QPRT: variants seen among roughly 807,000 people sequenced by gnomAD.
The protein encoded by QPRT is nicotinate-nucleotide pyrophosphorylase [carboxylating].
QPRT carries 17 observed loss-of-function variants against 19.8 expected under a neutral mutation model. That is an observed-to-expected ratio of 0.86 (90% CI 0.59 to 1.29). The LOEUF is 1.29. QPRT is among the 50% of genes most tolerant of loss of function. QPRT has a pLI of 0.00. For missense variants in QPRT, 336 were observed against 405.1 expected (o/e 0.83, Z 1.46); for synonymous variants, 178 against 191.0 (o/e 0.93, Z 0.56).
In QPRT at chr16:29,694,886, C is replaced by A; in HGVS notation, c.236C>A (p.Ser79Ter). Residue 79 changes from serine to a stop codon, truncating the protein, a stop_gained, in exon 2 of 4, where the codon TCG becomes TAG. Coordinates refer to ENST00000395384, the MANE Select transcript of QPRT (RefSeq NM_014298.6). LOFTEE classifies it high-confidence loss of function. ...CQVSWFLPEG[S>*]KLVPVARVAE... ...GTCTCCTGGTTCCTCCCCGAGGGATCGAAGCTGGTGCCGGTGGCCAGAGTG... is the reference window on the plus strand; with the variant it reads ...GTCTCCTGGTTCCTCCCCGAGGGATAGAAGCTGGTGCCGGTGGCCAGAGTG... 2 of 1,614,064 alleles carry A rather than the reference C, an allele frequency of 1.2e-6. No individual in the cohort carries two copies. Among genetic ancestry groups the A allele is most frequent in the Non-Finnish European group, 8.5e-7 (1 of 1,179,940 alleles).
intron 1 of QPRT, among the ~76,000 whole-genome samples, chr16:29,688,052 C>G (rs887134068): frequency 6.6e-6 from 1 of 152,276 alleles, no homozygotes; most frequent in African/African-American, 2.4e-5. Context: ...AAAACCAGAA[C>G]TAGACAGTCG....
At chr16:29,690,615 G>A (rs896527797) in intron 1 of QPRT, among the ~76,000 whole-genome samples, 2 of 151,978 alleles carry the variant, frequency 1.3e-5, no homozygotes, top group Admixed American at 6.6e-5. Flanking sequence ...GGGATCATAC[G>A]GCCTTTTGGA....
chr16:29,680,679 G>A (rs1397447335), intron 1 of QPRT, among the ~76,000 whole-genome samples: 1 of 152,068 alleles, frequency 6.6e-6, no homozygotes, highest in African/African-American at 2.4e-5. Context: ...GGTGGCTCAC[G>A]CCTGTAATCC....
chr16:29,690,650 T>A (rs1967299082), intron 1 of QPRT, among the ~76,000 whole-genome samples: 1 of 152,168 alleles, frequency 6.6e-6, no homozygotes, highest in South Asian at 2.1e-4. Context: ...GTTAGACTGA[T>A]ACATTTGAGA....
chr16:29,697,439 C>G lies in QPRT; in HGVS notation c.*28C>G. 1 of 1,591,334 alleles carries G rather than the reference C, an allele frequency of 6.3e-7. No homozygotes were observed. Among genetic ancestry groups the G allele is most frequent in the African/African-American group, 1.3e-5 (1 of 74,756 alleles). The stretch of plus-strand genomic sequence containing the variant: ...CTAAACCGGAAGAGGATGACACCGG[C>G]CATGGGTTAACGTGGCTCCTCAGGA... On this transcript the variant is annotated 3_prime_UTR_variant, in exon 4 of 4. Coordinates refer to ENST00000395384, the MANE Select transcript of QPRT (RefSeq NM_014298.6). The surrounding 1 kb of genome is among the most constrained non-coding windows in gnomAD (Gnocchi z 4.4).
At chr16:29,681,047 G>T (rs1262229220) in intron 1 of QPRT, among the ~76,000 whole-genome samples, 1 of 151,984 alleles carries the variant, frequency 6.6e-6, no homozygotes. Context: ...GTGCCTGCTG[G>T]CCCCATACAC....
chr16:29,689,659 C>G (rs896427579), intron 1 of QPRT, among the ~76,000 whole-genome samples: 1 of 152,088 alleles, frequency 6.6e-6, no homozygotes, highest in African/African-American at 2.4e-5. Context: ...GAAATCAGGC[C>G]TGGGCGTGCC....
intron 1 of QPRT, among the ~76,000 whole-genome samples, chr16:29,682,275 C>T (rs1291668834): frequency 1.3e-5 from 2 of 151,026 alleles, no homozygotes; most frequent in East Asian, 2.0e-4. Flanking sequence ...CAGCCTCAAG[C>T]GATCCTCCAA....
chr16:29,682,029 C>T (rs1967022984), intron 1 of QPRT, among the ~76,000 whole-genome samples: 1 of 151,596 alleles, frequency 6.6e-6, no homozygotes, highest in South Asian at 2.1e-4. Flanking sequence ...CACCCGGCCT[C>T]TTTTGTTTTT....
chr16:29,687,986 A>G (rs775799615), intron 1 of QPRT, among the ~76,000 whole-genome samples: 41 of 152,154 alleles, frequency 2.7e-4, no homozygotes, highest in Non-Finnish European at 2.5e-4. Flanking sequence ...AAAAAAGTCA[A>G]GAGAACTGGA....
At chr16:29,680,802 G>C (rs1186076885) in intron 1 of QPRT, among the ~76,000 whole-genome samples, 1 of 152,034 alleles carries the variant, frequency 6.6e-6, no homozygotes, top group Non-Finnish European at 1.5e-5. Context: ...TTAGCCGAGT[G>C]TGGTGGTGCG....
intron 2 of QPRT, 22 bp from the exon 3 acceptor site, chr16:29,696,974 T>C: frequency 6.3e-7 from 1 of 1,582,984 alleles, no homozygotes; most frequent in South Asian, 1.2e-5. Context: ...TCCTCACCCT[T>C]GTCCTCCCGG....
At chr16:29,692,933 C>A (rs1050375336) in intron 1 of QPRT, among the ~76,000 whole-genome samples, 1 of 151,692 alleles carries the variant, frequency 6.6e-6, no homozygotes, top group Non-Finnish European at 1.5e-5. Context: ...TGGTGGCAGG[C>A]GCCTGTAACC....
At chr16:29,680,497 C>G (rs1966967136) in intron 1 of QPRT, among the ~76,000 whole-genome samples, 1 of 152,148 alleles carries the variant, frequency 6.6e-6, no homozygotes, top group Admixed American at 6.5e-5. Context: ...GCTGACTAAA[C>G]TGGCGCCCCG....
rs767440118 is a variant in QPRT, at chr16:29,697,312, C to A, written c.795C>A (p.Asp265Glu). ...CCCAGTTCTGCGGGCCGCACATAGA[C>A]GTCATCTCCATGGGGATGCTGACCC... Reference protein sequence around the residue: ...NLPQFCGPHIDVISMGMLTQA... With the variant: ...NLPQFCGPHIEVISMGMLTQA... The change falls in exon 4 of 4, where the codon GAC becomes GAA. Residue 265 changes from aspartate to glutamate, a missense_variant. Physicochemically the swap from Asp to Glu is conservative, Grantham distance 45 (BLOSUM62 2). Transcript: ENST00000395384. The surrounding 1 kb of genome is among the most constrained non-coding windows in gnomAD (Gnocchi z 4.4). 2.5e-5 allele frequency: 41 copies of A among 1,614,074 alleles called. No homozygotes were observed.
intron 1 of QPRT, among the ~76,000 whole-genome samples, chr16:29,686,831 C>T (rs1330149938): frequency 6.6e-6 from 1 of 152,152 alleles, no homozygotes; most frequent in African/African-American, 2.4e-5. Flanking sequence ...TGTCTTCCTC[C>T]CACCCTGGCT....
intron 1 of QPRT, among the ~76,000 whole-genome samples, chr16:29,680,292 G>A (rs1180740129): frequency 6.6e-6 from 1 of 152,120 alleles, no homozygotes; most frequent in Non-Finnish European, 1.5e-5. Flanking sequence ...GCTGCAGCTG[G>A]TGGGAGTGGG....
At chr16:29,693,883 C>A (rs1052294586) in intron 1 of QPRT, among the ~76,000 whole-genome samples, 5 of 152,084 alleles carry the variant, frequency 3.3e-5, no homozygotes, top group Admixed American at 6.6e-5. Flanking sequence ...AGCCACCGCG[C>A]CTGGCCAGAC....
intron 1 of QPRT, among the ~76,000 whole-genome samples, chr16:29,689,623 A>G (rs1450671207): frequency 6.6e-6 from 1 of 152,166 alleles, no homozygotes; most frequent in Non-Finnish European, 1.5e-5. Context: ...CCTAGGAACC[A>G]GACCGGAAAC....
Sources: gnomAD v4.1 joint callset for allele counts (sites outside exome capture counted in the v4.1 genomes callset) on GRCh38, gnomAD v4.1.1 for gene constraint, Gnocchi (gnomAD v3.1) non-coding constraint, MANE v1.5 for transcripts, NCBI Gene and HGNC (gene_info 2026-07-23, HGNC 2026-07-21) for gene names.